Variants in COL25A1 observed in about 807,000 individuals in gnomAD.
COL25A1 encodes collagen type XXV alpha 1 chain.
A neutral mutation model predicts 128.4 loss-of-function variants in COL25A1; 103 were observed. The ratio of observed to expected loss-of-function variants is 0.80; its 90% CI spans 0.68 to 0.94. The LOEUF is 0.94. COL25A1 is among the 40% of genes least tolerant of loss of function. The pLI is 0.00. For synonymous variants in COL25A1, 279 were observed against 277.2 expected, an observed-to-expected ratio of 1.01 and a Z score of -0.06; for missense variants, 745 against 840.0, an observed-to-expected ratio of 0.89 and a Z score of 1.40.
intron 29 of COL25A1, among the ~76,000 whole-genome samples, 196 bp downstream of exon 29, chr4:108,844,993 T>A (rs1395437335): frequency 1.3e-5 from 2 of 152,194 alleles, no homozygotes; most frequent in Admixed American, 6.5e-5. Context: ...AAAACCTGCT[T>A]CTACCTCAGA....
intron 6 of COL25A1, among the ~76,000 whole-genome samples, chr4:108,999,844 T>C (rs1484617748): frequency 2.6e-5 from 4 of 152,160 alleles, no homozygotes; most frequent in Non-Finnish European, 5.9e-5. Flanking sequence ...GAAACCATCA[T>C]TCTCAGCAAA....
At chr4:108,832,251 G>C in intron 32 of COL25A1, 129 bp downstream of exon 32, 2 of 642,190 alleles carry the variant, frequency 3.1e-6, no homozygotes, top group Non-Finnish European at 5.4e-6. Flanking sequence ...AACTTAGGAT[G>C]GTATCTCTTT....
At chr4:109,119,230 T>C (rs1334433298) in intron 3 of COL25A1, among the ~76,000 whole-genome samples, 1 of 152,028 alleles carries the variant, frequency 6.6e-6, no homozygotes, top group Non-Finnish European at 1.5e-5. Flanking sequence ...GGAAAATTTA[T>C]AGCATTGGAT....
At chr4:109,072,819 G>A (rs1159245341) in intron 3 of COL25A1, among the ~76,000 whole-genome samples, 1 of 152,062 alleles carries the variant, frequency 6.6e-6, no homozygotes. Flanking sequence ...GCTATTCCTT[G>A]CCCAGATGTG....
intron 3 of COL25A1, among the ~76,000 whole-genome samples, chr4:109,191,921 A>C (rs904183791): frequency 6.6e-6 from 1 of 152,240 alleles, no homozygotes; most frequent in African/African-American, 2.4e-5. Flanking sequence ...TAATCAAAGT[A>C]AAATGTGGCA....
chr4:109,151,160 T>C (rs1475674255), intron 3 of COL25A1, among the ~76,000 whole-genome samples: 1 of 152,122 alleles, frequency 6.6e-6, no homozygotes, highest in African/African-American at 2.4e-5. Flanking sequence ...TGCACCTAAA[T>C]TGCATGCTTT....
chr4:108,820,724 A>G (rs912760652), intron 35 of COL25A1, among the ~76,000 whole-genome samples: 4 of 152,108 alleles, frequency 2.6e-5, no homozygotes, highest in African/African-American at 9.7e-5. Context: ...AAAGCCAAAA[A>G]AAAAAAAAAT....
intron 13 of COL25A1, among the ~76,000 whole-genome samples, chr4:108,911,297 C>G (rs931824526): frequency 6.6e-6 from 1 of 152,182 alleles, no homozygotes; most frequent in Non-Finnish European, 1.5e-5. Context: ...GATAGCTTCT[C>G]TTCTTTTGCC....
intron 8 of COL25A1, among the ~76,000 whole-genome samples, chr4:108,949,451 A>G (rs1749141007): frequency 6.6e-6 from 1 of 152,080 alleles, no homozygotes; most frequent in African/African-American, 2.4e-5. Context: ...TGCCCACCCA[A>G]TTGTAAGTGG....
chr4:109,040,383 G>A (rs1436883626), intron 5 of COL25A1, among the ~76,000 whole-genome samples: 1 of 152,180 alleles, frequency 6.6e-6, no homozygotes, highest in African/African-American at 2.4e-5. Flanking sequence ...GGAACATTGA[G>A]CCCTTCTCTG....
At chr4:108,884,324 G>A in intron 18 of COL25A1, 102 bp from the exon 19 acceptor site, 1 of 1,082,446 alleles carries the variant, frequency 9.2e-7, no homozygotes, top group Admixed American at 2.3e-5. Flanking sequence ...TTTCTGCAAA[G>A]ATAAATAAAA....
chr4:109,092,075 A>C (rs1298948247), intron 3 of COL25A1, among the ~76,000 whole-genome samples: 1 of 152,196 alleles, frequency 6.6e-6, no homozygotes, highest in African/African-American at 2.4e-5. Context: ...GCTTGGGATC[A>C]TGAGAAATTT....
chr4:109,211,258 A>G (rs1383119501), intron 3 of COL25A1, among the ~76,000 whole-genome samples: 1 of 69,952 alleles, frequency 1.4e-5, no homozygotes, highest in South Asian at 4.3e-4. Context: ...AACAATATAT[A>G]TGTATATATA....
chr4:109,076,304 G>A (rs1763368737), intron 3 of COL25A1, among the ~76,000 whole-genome samples: 1 of 152,124 alleles, frequency 6.6e-6, no homozygotes, highest in African/African-American at 2.4e-5. Flanking sequence ...TATCTGCTTT[G>A]TGCTTCACAG....
At chr4:109,161,525 C>G (rs2126118274) in intron 3 of COL25A1, among the ~76,000 whole-genome samples, 1 of 151,954 alleles carries the variant, frequency 6.6e-6, no homozygotes, top group Non-Finnish European at 1.5e-5. Flanking sequence ...CTTTCTGAAC[C>G]CCTGAAGATG....
chr4:109,044,709 A>T (rs1323111840), intron 5 of COL25A1, among the ~76,000 whole-genome samples: 1 of 152,140 alleles, frequency 6.6e-6, no homozygotes, highest in Non-Finnish European at 1.5e-5. Context: ...AACTTCTCAG[A>T]CCAATTTTGT....
intron 8 of COL25A1, among the ~76,000 whole-genome samples, chr4:108,944,882 G>A (rs901899777): frequency 1.8e-4 from 28 of 152,128 alleles, no homozygotes; most frequent in African/African-American, 6.0e-4. Flanking sequence ...CTACCAATTA[G>A]GTGTTTAGTG....
At chr4:109,093,119 C>T (rs562128387) in intron 3 of COL25A1, among the ~76,000 whole-genome samples, 24 of 152,082 alleles carry the variant, frequency 1.6e-4, no homozygotes, top group African/African-American at 5.3e-4. Flanking sequence ...GTCTTAAACC[C>T]GGAGATCTTC....
intron 3 of COL25A1, among the ~76,000 whole-genome samples, chr4:109,128,883 G>A (rs1768890923): frequency 6.6e-6 from 1 of 152,188 alleles, no homozygotes; most frequent in African/African-American, 2.4e-5. Context: ...TAGAACTCAA[G>A]CTATGGTATG....
Sources: gnomAD v4.1 joint callset for allele counts (sites outside exome capture counted in the v4.1 genomes callset) on GRCh38, gnomAD v4.1.1 for gene constraint, MANE v1.5 for transcripts, NCBI Gene and HGNC (gene_info 2026-07-23, HGNC 2026-07-21) for gene names.